Variants in PRPH2 observed in about 807,000 individuals in gnomAD.
The protein encoded by PRPH2 is peripherin 2, also known as peripherin-2.
Under a neutral mutation model 31.3 loss-of-function variants are expected in PRPH2, and 17 were observed. The ratio of observed to expected loss-of-function variants is 0.54; its 90% CI spans 0.37 to 0.81. PRPH2 has a LOEUF of 0.81. Among genes scored for constraint, PRPH2 ranks in the 40% least tolerant of loss-of-function variants. PRPH2 has a pLI of 0.00. For synonymous variants in PRPH2, 165 were observed against 184.4 expected (o/e 0.89, Z 0.85); for missense variants, 430 against 439.7 (o/e 0.98, Z 0.20).
In PRPH2 at chr6:42,711,888, C is replaced by T. The variant is rs74657251; in HGVS notation, c.582-7277G>A. On this transcript the variant is annotated intron_variant, in intron 1 of 2. Transcript: ENST00000230381. ...CCTGGTTCCAAAATGTCTGAGCTCCCGCATGTTCTACCTCTCACCCCAAGA... is the reference window on the plus strand; with the variant it reads ...CCTGGTTCCAAAATGTCTGAGCTCCTGCATGTTCTACCTCTCACCCCAAGA... 2.5e-4 allele frequency: 243 copies of T among 985,350 alleles called. No individual in the cohort carries two copies. The East Asian group carries it at 7.0e-3, about 29-fold the overall frequency. The allele number at this position is 985,350 out of a possible 1,614,324, so 61.0% of individuals were successfully genotyped here.
chr6:42,718,731 C>T (rs1047795142), intron 1 of PRPH2, among the ~76,000 whole-genome samples: 5 of 152,134 alleles, frequency 3.3e-5, no homozygotes, highest in African/African-American at 1.2e-4. Flanking sequence ...TCACTACAAC[C>T]TCTGCCTCCT....
At chr6:42,708,296 G>A (rs539058375) in intron 1 of PRPH2, among the ~76,000 whole-genome samples, 1 of 152,346 alleles carries the variant, frequency 6.6e-6, no homozygotes, top group East Asian at 1.9e-4. Flanking sequence ...CTGACACGGA[G>A]CACCTGCCCG....
chr6:42,720,227 T>C (rs1477109730), intron 1 of PRPH2, among the ~76,000 whole-genome samples: 1 of 151,994 alleles, frequency 6.6e-6, no homozygotes, highest in East Asian at 1.9e-4. Context: ...GGATTTGGAG[T>C]TACCGAGAGA....
intron 1 of PRPH2, among the ~76,000 whole-genome samples, chr6:42,716,748 G>A (rs1476185881): frequency 4.0e-5 from 6 of 149,090 alleles, no homozygotes; most frequent in Non-Finnish European, 5.9e-5. Flanking sequence ...AGCCTCCCAA[G>A]TAGCTGGGAT....
Position 42,704,387 on chromosome 6 carries a change from G to A in PRPH2, c.806C>T (p.Thr269Met), listed in dbSNP as rs781212034. 9 of 1,609,394 alleles carry A rather than the reference G, an allele frequency of 5.6e-6. No individual in the cohort carries two copies. Among genetic ancestry groups the A allele is most frequent in the East Asian group, 2.2e-5 (1 of 44,626 alleles). The change falls in exon 2 of 3, where the codon ACG (threonine) becomes ATG (methionine). Residue 269 changes from threonine (T) to methionine (M), a missense_variant. Physicochemically the swap from Thr to Met is moderately conservative, Grantham distance 81 (BLOSUM62 -1). Coordinates refer to ENST00000230381, the MANE Select transcript of PRPH2 (RefSeq NM_000322.5). ...TACCTCGAAGAGCCAAATGAGGAGC[G>A]TGACGACACCCATGGAGTTCATGAG... ...SSLMNSMGVV[T>M]LLIWLFEVTI...
chr6:42,715,224 C>T (rs186855213), intron 1 of PRPH2, among the ~76,000 whole-genome samples: 30 of 151,548 alleles, frequency 2.0e-4, no homozygotes, highest in Non-Finnish European at 1.5e-5. Flanking sequence ...AACAAACAAA[C>T]AAACAAAAAC....
At chr6:42,721,177 A>G (rs1196526650) in intron 1 of PRPH2, among the ~76,000 whole-genome samples, 1 of 152,162 alleles carries the variant, frequency 6.6e-6, no homozygotes, top group African/African-American at 2.4e-5. Context: ...TGACCTGCCC[A>G]AGGTCACAAG....
At chr6:42,698,835 G>A (rs1231988038) in intron 2 of PRPH2, among the ~76,000 whole-genome samples, 2 of 151,876 alleles carry the variant, frequency 1.3e-5, no homozygotes, top group African/African-American at 2.4e-5. Flanking sequence ...TCCTCTCCAC[G>A]TTCATCTGTT....
Position 42,704,581 on chromosome 6 carries a change from G to A in PRPH2, c.612C>T (p.Tyr204=). Reference sequence around the variant, plus strand: ...AGCTGAAAGGGACGCCGTCCACCAGGTACCGCCCATCCACGTTGCTCTTGA... The same window carrying A: ...AGCTGAAAGGGACGCCGTCCACCAGATACCGCCCATCCACGTTGCTCTTGA... ...DRIKSNVDGR[Y]LVDGVPFSCC... is the part of the protein sequence containing the mutation. The change falls in exon 2 of 3, where the codon TAC becomes TAT. Residue 204 remains tyrosine (Y), a synonymous_variant. Transcript: ENST00000230381. 1.2e-6 allele frequency: 2 copies of A among 1,614,160 alleles called. No homozygotes were observed. Among genetic ancestry groups the A allele is most frequent in the Non-Finnish European group, 1.7e-6 (2 of 1,180,036 alleles).
At chr6:42,700,987 C>CTT (rs11309863) in intron 2 of PRPH2, among the ~76,000 whole-genome samples, 9 of 139,950 alleles carry the variant, frequency 6.4e-5, no homozygotes, top group African/African-American at 2.1e-4. Context: ...ACTTTTCTTT[C>CTT]TTTTTTTTTT....
In PRPH2 at chr6:42,699,196, G is replaced by T. The variant is rs145462486; in HGVS notation, c.829-689C>A. Among the ~76,000 whole-genome samples the T allele has an allele frequency of 1.8e-3, 275 of 152,068 alleles. 3 individuals carry two copies. The highest frequency in any genetic ancestry group is 6.2e-3 in the African/African-American group (257 of 41,474). ...GCCTCTTGAATAGCTAACGTTGCAG[G>T]TGCCTGCCACCATACCTGACTAATT... On this transcript the variant is annotated intron_variant, in intron 2 of 2. Transcript: ENST00000230381.
At chr6:42,712,190 C>G (rs953944715) in intron 1 of PRPH2, among the ~76,000 whole-genome samples, 1 of 152,200 alleles carries the variant, frequency 6.6e-6, no homozygotes, top group Non-Finnish European at 1.5e-5. Context: ...CCCAGTTTCT[C>G]TCACACATAT....
intron 1 of PRPH2, among the ~76,000 whole-genome samples, chr6:42,719,887 A>G (rs768086511): frequency 8.5e-5 from 13 of 152,152 alleles, no homozygotes; most frequent in Non-Finnish European, 1.8e-4. Context: ...TCTTTATACT[A>G]TCATTACACT....
intron 1 of PRPH2, among the ~76,000 whole-genome samples, chr6:42,718,707 G>A (rs1015420052): frequency 1.3e-5 from 2 of 151,888 alleles, no homozygotes; most frequent in South Asian, 4.1e-4. Context: ...GAAGTGCAGT[G>A]GCATGATCTT....
chr6:42,698,278 G>T lies in PRPH2; in HGVS notation c.*17C>A. 1 of 1,613,268 alleles carries T rather than the reference G, an allele frequency of 6.2e-7. No individual in the cohort carries two copies. Among genetic ancestry groups the T allele is most frequent in the Non-Finnish European group, 8.5e-7 (1 of 1,179,828 alleles). The stretch of plus-strand genomic sequence containing the variant: ...CACTATTTCTCAGTGTTCGGGAGGG[G>T]AGGGGCCCCAGGGCCCTCAGCCAGC... On this transcript the variant is annotated 3_prime_UTR_variant, in exon 3 of 3. Coordinates refer to ENST00000230381, the MANE Select transcript of PRPH2 (RefSeq NM_000322.5).
In PRPH2 at chr6:42,702,117, G is replaced by C. The variant is rs541302900; in HGVS notation, c.828+2248C>G. The stretch of plus-strand genomic sequence containing the variant: ...CAGCCAGGCGTGGTGGTGGGCGCCT[G>C]TAATCCCAGCTATTTGGAAGGGGCT... On this transcript the variant is annotated intron_variant, in intron 2 of 2. Transcript: ENST00000230381. Among the ~76,000 whole-genome samples, 30 of 152,066 alleles carry C rather than the reference G, an allele frequency of 2.0e-4. 1 individual carries two copies. In the South Asian group the frequency reaches 6.0e-3, roughly 30 times the overall value.
intron 2 of PRPH2, among the ~76,000 whole-genome samples, chr6:42,701,155 G>GT (rs1324273995): frequency 6.6e-6 from 1 of 151,630 alleles, no homozygotes; most frequent in Non-Finnish European, 1.5e-5. Flanking sequence ...TTATGTTTTT[G>GT]TTTTTGTTGC....
intron 1 of PRPH2, among the ~76,000 whole-genome samples, chr6:42,718,540 A>C (rs1278867678): frequency 6.6e-6 from 1 of 152,178 alleles, no homozygotes; most frequent in Non-Finnish European, 1.5e-5. Flanking sequence ...AGGTGGCCCT[A>C]TCAGACTGCA....
intron 1 of PRPH2, among the ~76,000 whole-genome samples, chr6:42,705,599 A>AAAATAT (rs1562424252): frequency 1.9e-4 from 4 of 21,584 alleles, no homozygotes; most frequent in South Asian, 1.6e-3. Context: ...AAAAAAAAAA[A>AAAATAT]ATATATATAT....
Sources: allele counts gnomAD v4.1 joint callset (sites outside exome capture counted in the v4.1 genomes callset), GRCh38; gene constraint gnomAD v4.1.1; transcripts MANE v1.5; gene names NCBI Gene and HGNC (gene_info 2026-07-23, HGNC 2026-07-21).